KCNJ15: variants seen among roughly 807,000 people sequenced by gnomAD.
KCNJ15 encodes ATP-sensitive inward rectifier potassium channel 15.
A neutral mutation model predicts 23.0 loss-of-function variants in KCNJ15; 14 were observed. That is an observed-to-expected ratio of 0.61 (90% confidence interval 0.40 to 0.95). The LOEUF is 0.95. Among genes scored for constraint, KCNJ15 ranks in the 40% least tolerant of loss-of-function variants. The pLI, the probability that KCNJ15 is intolerant of heterozygous loss-of-function variation, is 0.00. For missense variants in KCNJ15, 388 were observed against 461.8 expected, an observed-to-expected ratio of 0.84 and a Z score of 1.46; for synonymous variants, 185 against 183.2, an observed-to-expected ratio of 1.01 and a Z score of -0.08.
At chr21:38,256,828 A>G (rs1382738760), upstream of KCNJ15, 1 of 151,916 alleles carries the variant, frequency 6.6e-6, no homozygotes, top group African/African-American at 2.4e-5. Context: ...TGCTGACATC[A>G]TGGTCTCCTT....
intron 1 of KCNJ15, among the ~76,000 whole-genome samples, chr21:38,231,558 A>G (rs1988744127): frequency 6.6e-6 from 1 of 151,976 alleles, no homozygotes; most frequent in Admixed American, 6.5e-5. Context: ...ACCATTAAGT[A>G]TGATATGAGC....
At chr21:38,264,746 T>G (rs1430354386) in intron 1 of KCNJ15, among the ~76,000 whole-genome samples, 2 of 152,246 alleles carry the variant, frequency 1.3e-5, no homozygotes, top group East Asian at 3.8e-4. Context: ...AGTGATAGAT[T>G]GGCTGCTAGA....
chr21:38,299,277 A>T lies in KCNJ15; in HGVS notation c.16A>T (p.Ile6Phe). 3 of 1,612,496 alleles carry T rather than the reference A, an allele frequency of 1.9e-6. No homozygotes were observed. The highest frequency in any genetic ancestry group is 2.5e-6 in the Non-Finnish European group (3 of 1,178,832). Residue 6 changes from isoleucine (I) to phenylalanine (F), a missense_variant, in exon 3 of 3, where the codon ATC (isoleucine) becomes TTC (phenylalanine). Transcript: ENST00000398938. The surrounding 1 kb of genome is among the most constrained non-coding windows in gnomAD (Gnocchi z 4.5). ...GAGCCTGGCAATGGATGCCATTCAC[A>T]TCGGCATGTCCAGCACCCCCCTGGT... MDAIH[I>F]GMSSTPLVKH...
At chr21:38,238,259 G>C in intron 1 of KCNJ15, 2 of 661,436 alleles carry the variant, frequency 3.0e-6, no homozygotes, top group Non-Finnish European at 5.8e-6. Context: ...AATTCACAGG[G>C]ATCCATGATG....
At position 38,303,636 on chromosome 21, in the gene KCNJ15, G is replaced by GA. The variant is rs1438541497; in HGVS notation, c.*3254dup. 2 of 151,722 alleles carry GA rather than the reference G, an allele frequency of 1.3e-5. No individual in the cohort carries two copies. Among genetic ancestry groups the GA allele is most frequent in the Admixed American group, 6.6e-5 (1 of 15,230 alleles). 9.4% of individuals were successfully genotyped at this position (151,722 alleles called of 1,614,324 possible). On this transcript the variant is annotated 3_prime_UTR_variant, in exon 3 of 3. Transcript: ENST00000398938. The stretch of plus-strand genomic sequence containing the variant: ...GAAATCTAAAGAGCTGGTTTAAGGT[G>GA]AAAAAAATGCCATGAATGAATGAAC...
In KCNJ15 at chr21:38,305,642, C is replaced by G. The variant is rs7279908; in HGVS notation, c.*5253C>G. On this transcript the variant is annotated 3_prime_UTR_variant, in exon 3 of 3. Coordinates refer to ENST00000398938, the MANE Select transcript of KCNJ15 (RefSeq NM_170736.3). ...ATTTGTGTAGACTTTTTTAGGATACCTTAAATGTCTTACATGCAACCTTTT... is the reference window on the plus strand; with the variant it reads ...ATTTGTGTAGACTTTTTTAGGATACGTTAAATGTCTTACATGCAACCTTTT... 0.68 allele frequency: 102,967 copies of G among 152,096 alleles called. 36,099 individuals carry two copies. The highest frequency in any genetic ancestry group is 0.79 in the Non-Finnish European group (53,424 of 68,006). The allele number at this position is 152,096 out of a possible 1,614,324, so 9.4% of individuals were successfully genotyped here. A position where few individuals can be genotyped will look rare whatever the true frequency, so the allele number is the denominator to read the frequency against.
intron 1 of KCNJ15, among the ~76,000 whole-genome samples, chr21:38,293,659 G>A (rs1363810337): frequency 1.3e-5 from 2 of 152,214 alleles, no homozygotes; most frequent in East Asian, 3.8e-4. Flanking sequence ...GGAGGAGAAT[G>A]AGTGATTCTT....
chr21:38,268,690 C>G (rs1981757655), intron 1 of KCNJ15, among the ~76,000 whole-genome samples: 1 of 151,858 alleles, frequency 6.6e-6, no homozygotes, highest in African/African-American at 2.4e-5. Flanking sequence ...GAGACTTTGG[C>G]CTTTGGAATC....
At chr21:38,256,450 G>A (rs1212033206), upstream of KCNJ15, among the ~76,000 whole-genome samples, 1 of 149,768 alleles carries the variant, frequency 6.7e-6, no homozygotes, top group Non-Finnish European at 1.5e-5. Flanking sequence ...AAAAACATGA[G>A]TTTTCCTCTG....
chr21:38,247,145 G>A (rs563273281), intron 1 of KCNJ15, among the ~76,000 whole-genome samples: 2 of 137,922 alleles, frequency 1.5e-5, no homozygotes, highest in Non-Finnish European at 3.1e-5. Context: ...TGGATGGATG[G>A]ATGGATGCAT....
intron 1 of KCNJ15, among the ~76,000 whole-genome samples, chr21:38,263,319 A>G (rs1208766202): frequency 6.6e-6 from 1 of 152,134 alleles, no homozygotes; most frequent in Non-Finnish European, 1.5e-5. Context: ...CTGAAACACA[A>G]TTGAATTTGA....
rs762958163 is a variant in KCNJ15, at chr21:38,299,218, T to G, written c.-18-26T>G. 3.3e-6 allele frequency: 5 copies of G among 1,537,182 alleles called. No individual in the cohort carries two copies. Among genetic ancestry groups the G allele is most frequent in the African/African-American group, 1.4e-5 (1 of 72,924 alleles). ...GAAGTTCCACCACATATGGCGATAA[T>G]GAAACATCTTTGTCATTTCTCTAAG... On this transcript the variant is annotated intron_variant, in intron 2 of 2. Transcript: ENST00000398938. The surrounding 1 kb of genome is among the most constrained non-coding windows in gnomAD (Gnocchi z 4.5).
rs781016399 is a variant in KCNJ15 at position 38,300,256 on chromosome 21, A to G, written c.995A>G (p.Gln332Arg). ...KYVADFSQFEQIRKSPDCTFY... is the reference protein window; with the variant it reads ...KYVADFSQFERIRKSPDCTFY... Reference sequence around the variant, plus strand: ...GTGGCTGATTTCAGTCAGTTTGAACAGATTCGGAAAAGCCCAGATTGCACA... The same window carrying G: ...GTGGCTGATTTCAGTCAGTTTGAACGGATTCGGAAAAGCCCAGATTGCACA... Residue 332 changes from glutamine to arginine, a missense_variant, in exon 3 of 3, where the codon CAG becomes CGG. Coordinates refer to ENST00000398938, the MANE Select transcript of KCNJ15 (RefSeq NM_170736.3). 7 of 1,614,126 alleles carry G rather than the reference A, an allele frequency of 4.3e-6. No individual in the cohort carries two copies. The highest frequency in any genetic ancestry group is 5.9e-6 in the Non-Finnish European group (7 of 1,180,046).
chr21:38,285,438 A>G (rs1983785329), intron 1 of KCNJ15: 1 of 152,218 alleles, frequency 6.6e-6, no homozygotes, highest in Non-Finnish European at 1.5e-5. Flanking sequence ...CCGAGTCTCA[A>G]AGGGGTTAAG....
chr21:38,238,283 C>G (rs1184983053), intron 1 of KCNJ15: 18 of 703,240 alleles, frequency 2.6e-5, no homozygotes, highest in Non-Finnish European at 4.6e-5. Flanking sequence ...ATTGAGCAGG[C>G]TTGATTCTCA....
intron 1 of KCNJ15, among the ~76,000 whole-genome samples, chr21:38,291,184 C>A (rs1034457405): frequency 6.6e-6 from 1 of 152,148 alleles, no homozygotes; most frequent in Non-Finnish European, 1.5e-5. Flanking sequence ...AAGTATTTAA[C>A]CACAAATTCC....
At chr21:38,250,097 G>T in intron 1 of KCNJ15, among the ~76,000 whole-genome samples, 1 of 152,246 alleles carries the variant, frequency 6.6e-6, no homozygotes, top group East Asian at 1.9e-4. Context: ...TAGCCAATTC[G>T]CATTGCTCAG....
chr21:38,244,098 G>C (rs750783335), intron 1 of KCNJ15, among the ~76,000 whole-genome samples: 2 of 151,968 alleles, frequency 1.3e-5, no homozygotes, highest in Non-Finnish European at 2.9e-5. Context: ...AAATGTAACC[G>C]TCTTTTTATT....
At chr21:38,260,607 C>A (rs1410148037) in intron 1 of KCNJ15, among the ~76,000 whole-genome samples, 1 of 152,168 alleles carries the variant, frequency 6.6e-6, no homozygotes, top group African/African-American at 2.4e-5. Context: ...AGCCACTATA[C>A]AAAGATGAAT....
Sources: gnomAD v4.1 joint callset for allele counts (sites outside exome capture counted in the v4.1 genomes callset) on GRCh38, gnomAD v4.1.1 for gene constraint, Gnocchi (gnomAD v3.1) non-coding constraint, MANE v1.5 for transcripts, NCBI Gene and HGNC (gene_info 2026-07-23, HGNC 2026-07-21) for gene names.